MTTP: variants seen among roughly 807,000 people sequenced by gnomAD.
MTTP encodes the protein microsomal triglyceride transfer protein large subunit.
MTTP carries 49 observed loss-of-function variants against 90.6 expected under a neutral mutation model. That is an observed-to-expected ratio of 0.54 (90% CI 0.43 to 0.69). MTTP has a LOEUF of 0.69. Ranked by LOEUF, MTTP falls within the 30% of genes least tolerant of loss-of-function variation. MTTP has a pLI of 0.00. For missense variants in MTTP, 945 were observed against 1,067.5 expected, an observed-to-expected ratio of 0.89 and a Z score of 1.60; for synonymous variants, 347 against 384.2, an observed-to-expected ratio of 0.90 and a Z score of 1.13.
chr4:99,580,158 A>G (rs1725069835), intron 1 of MTTP, among the ~76,000 whole-genome samples: 1 of 151,800 alleles, frequency 6.6e-6, no homozygotes, highest in Non-Finnish European at 1.5e-5. Context: ...TACTCACTAT[A>G]TTCTAGTTGA....
At chr4:99,607,111 C>T (rs944907056) in intron 11 of MTTP, 151 bp downstream of exon 11, 31 of 706,206 alleles carry the variant, frequency 4.4e-5, no homozygotes, top group Middle Eastern at 7.7e-4. Context: ...ATTGCATTTG[C>T]GGCTATTCTA....
chr4:99,621,373 A>T, intron 17 of MTTP, 142 bp downstream of exon 17: 1 of 1,110,918 alleles, frequency 9.0e-7, no homozygotes, highest in Non-Finnish European at 1.3e-6. Context: ...AATGAGTAGA[A>T]GAATAATTGA....
chr4:99,594,577 A>G (rs1056749456), intron 6 of MTTP, among the ~76,000 whole-genome samples, 156 bp from the exon 7 acceptor site: 1 of 152,198 alleles, frequency 6.6e-6, no homozygotes, highest in African/African-American at 2.4e-5. Flanking sequence ...CTTCATAATG[A>G]GCTTTCAGTT....
intron 1 of MTTP, among the ~76,000 whole-genome samples, chr4:99,581,103 A>G (rs1305307999): frequency 1.3e-5 from 2 of 152,186 alleles, no homozygotes; most frequent in Non-Finnish European, 2.9e-5. Context: ...CAAAAGAAAA[A>G]AGATTTATGT....
intron 4 of MTTP, 50 bp from the exon 5 acceptor site, chr4:99,591,185 A>C: frequency 1.5e-6 from 2 of 1,371,410 alleles, no homozygotes; most frequent in Non-Finnish European, 2.1e-6. Flanking sequence ...ACTAGAATTC[A>C]AATGGCCCAC....
chr4:99,592,729 C>A (rs1179216951), intron 6 of MTTP, among the ~76,000 whole-genome samples: 1 of 152,102 alleles, frequency 6.6e-6, no homozygotes, highest in Admixed American at 6.6e-5. Flanking sequence ...ATAACAATGC[C>A]TTCTTCTGGA....
chr4:99,589,195 G>T (rs561027720), intron 3 of MTTP, among the ~76,000 whole-genome samples: 58 of 149,282 alleles, frequency 3.9e-4, no homozygotes, highest in African/African-American at 1.4e-3. Flanking sequence ...TAAAGGCTGT[G>T]CCATCTCAGG....
Position 99,621,211 on chromosome 4 carries a change from C to G in MTTP, c.2493C>G (p.Asp831Glu), listed in dbSNP as rs750007867. The G allele has an allele frequency of 3.1e-6, 5 of 1,613,784 alleles. No homozygotes were observed. In the African/African-American group the frequency reaches 5.3e-5, roughly 17 times the overall value. Residue 831 changes from aspartate to glutamate, a missense_variant, in exon 17 of 18, where the codon GAC becomes GAG. Coordinates refer to ENST00000265517, the MANE Select transcript of MTTP (RefSeq NM_001386140.1). ...CATTCTTAGTTTGCATGCAGATGGA[C>G]AAGGATGAAGCTCCATTCAGGTAAG... ...QYPFLVCMQM[D>E]KDEAPFRQFE...
At chr4:99,565,281 T>C (rs1724648783) in intron 1 of MTTP, among the ~76,000 whole-genome samples, 1 of 152,218 alleles carries the variant, frequency 6.6e-6, no homozygotes, top group South Asian at 2.1e-4. Context: ...TCCTTAGATA[T>C]TTTAAACAAA....
intron 8 of MTTP, among the ~76,000 whole-genome samples, chr4:99,597,644 G>T (rs1421810407): frequency 6.6e-6 from 1 of 152,168 alleles, no homozygotes; most frequent in East Asian, 1.9e-4. Flanking sequence ...TTCTTCAGTT[G>T]AAAATGTGAT....
At chr4:99,588,162 G>C (rs949197954) in intron 3 of MTTP, among the ~76,000 whole-genome samples, 1 of 152,116 alleles carries the variant, frequency 6.6e-6, no homozygotes, top group Admixed American at 6.6e-5. Flanking sequence ...TAAGGCACAA[G>C]ATAATTTTCA....
intron 14 of MTTP, 130 bp downstream of exon 14, chr4:99,611,583 C>A: frequency 1.5e-6 from 2 of 1,301,256 alleles, no homozygotes; most frequent in East Asian, 2.4e-5. Flanking sequence ...CATATTTTGC[C>A]CATGATTTCC....
intron 3 of MTTP, among the ~76,000 whole-genome samples, chr4:99,587,198 T>C (rs1725278174): frequency 6.6e-6 from 1 of 152,200 alleles, no homozygotes; most frequent in African/African-American, 2.4e-5. Flanking sequence ...TCTAACAGTT[T>C]TGACATTTAG....
At chr4:99,570,693 T>C (rs778300749), upstream of MTTP, 40 of 455,664 alleles carry the variant, frequency 8.8e-5, no homozygotes, top group Middle Eastern at 3.2e-4. Flanking sequence ...TATCCTGGAT[T>C]ATTTAGGCAG....
intron 2 of MTTP, 55 bp from the exon 3 acceptor site, chr4:99,583,319 T>C: frequency 6.4e-7 from 1 of 1,568,736 alleles, no homozygotes; most frequent in Non-Finnish European, 8.7e-7. Context: ...AGAGATACTC[T>C]GATGAAGACA....
intron 10 of MTTP, among the ~76,000 whole-genome samples, chr4:99,604,583 T>A (rs1725769705): frequency 6.6e-6 from 1 of 152,176 alleles, no homozygotes; most frequent in African/African-American, 2.4e-5. Flanking sequence ...TGATAATAAA[T>A]TGCAGACATC....
At chr4:99,596,538 G>A (rs530543738) in intron 7 of MTTP, among the ~76,000 whole-genome samples, 3 of 152,162 alleles carry the variant, frequency 2.0e-5, no homozygotes, top group African/African-American at 7.2e-5. Flanking sequence ...GAATAATTCA[G>A]ACCTTAGCAA....
rs886058954 is a variant in MTTP, at chr4:99,564,186, C to G, written c.-153C>G. 77 of 1,535,362 alleles carry G rather than the reference C, an allele frequency of 5.0e-5. No homozygotes were observed. The highest frequency in any genetic ancestry group is 7.8e-5 in the Admixed American group (4 of 50,966). On this transcript the variant is annotated 5_prime_UTR_variant, in exon 1 of 19. Transcript: ENST00000457717. Reference sequence around the variant, plus strand: ...AGTTACAGTGATGTCTGTTTTTTCCCGTTCAAGAATTAAGTGTGTACCTGC... The same window carrying G: ...AGTTACAGTGATGTCTGTTTTTTCCGGTTCAAGAATTAAGTGTGTACCTGC...
chr4:99,619,223 A>G, intron 16 of MTTP, 125 bp downstream of exon 16: 1 of 949,210 alleles, frequency 1.1e-6, no homozygotes, highest in East Asian at 2.6e-5. Context: ...TTGGAATTAT[A>G]AAACGATAGA....
Sources: allele counts gnomAD v4.1 joint callset (sites outside exome capture counted in the v4.1 genomes callset), GRCh38; gene constraint gnomAD v4.1.1; transcripts MANE v1.5; gene names NCBI Gene and HGNC (gene_info 2026-07-23, HGNC 2026-07-21).